The following CRISPLD2 variants were observed in gnomAD, a reference collection of about 807,000 sequenced individuals.
CRISPLD2 encodes cysteine rich secretory protein LCCL domain containing 2.
In CRISPLD2, 47 loss-of-function variants were observed where a neutral mutation model predicts 71.1. The observed-to-expected ratio is 0.66, with a 90% CI of 0.52 to 0.84. CRISPLD2 has a LOEUF of 0.84. Ranked by LOEUF, CRISPLD2 falls within the 40% of genes least tolerant of loss-of-function variation. CRISPLD2 has a pLI of 0.00. For missense variants in CRISPLD2, 830 were observed against 651.1 expected, an observed-to-expected ratio of 1.27 and a Z score of -2.99; for synonymous variants, 317 against 250.1, an observed-to-expected ratio of 1.27 and a Z score of -2.52.
chr16:84,850,576 G>C lies in CRISPLD2; in HGVS notation c.501G>C (p.Trp167Cys), dbSNP rs769688566. 1 of 1,613,980 alleles carries C rather than the reference G, an allele frequency of 6.2e-7. No homozygotes were observed. The highest frequency in any genetic ancestry group is 8.5e-7 in the Non-Finnish European group (1 of 1,179,890). The change falls in exon 5 of 15, where the codon TGG (tryptophan) becomes TGC (cysteine). Residue 167 changes from tryptophan to cysteine, a missense_variant. Coordinates refer to ENST00000262424, the MANE Select transcript of CRISPLD2 (RefSeq NM_031476.4). The part of the protein sequence containing the change: ...PMCTHYTQIV[W>C]ATTNKIGCAV... ...AAATGTCATCTTTTCAGATAGTTTG[G>C]GCCACCACCAACAAGATCGGTTGTG...
chr16:84,899,075 A>G (rs1350364875), intron 14 of CRISPLD2, among the ~76,000 whole-genome samples: 1 of 152,080 alleles, frequency 6.6e-6, no homozygotes, highest in East Asian at 1.9e-4. Flanking sequence ...TTATTTTTGT[A>G]GAGACAGGGG....
At chr16:84,894,415 C>A (rs181179759) in intron 14 of CRISPLD2, among the ~76,000 whole-genome samples, 10 of 152,110 alleles carry the variant, frequency 6.6e-5, no homozygotes, top group African/African-American at 2.2e-4. Context: ...TAAAATGTCA[C>A]CTTTATACAA....
intron 5 of CRISPLD2, among the ~76,000 whole-genome samples, chr16:84,853,332 G>T (rs892790745): frequency 6.6e-6 from 1 of 152,206 alleles, no homozygotes; most frequent in African/African-American, 2.4e-5. Context: ...TGTTCTTTTT[G>T]GGGGAGTCAT....
chr16:84,838,194 G>A (rs1285985030), intron 1 of CRISPLD2, among the ~76,000 whole-genome samples: 1 of 152,162 alleles, frequency 6.6e-6, no homozygotes, highest in African/African-American at 2.4e-5. Context: ...ACTGTTCTAG[G>A]TTATCCTCTT....
rs532828052 is a variant in CRISPLD2 at position 84,902,091 on chromosome 16, G to T, written c.1440-4497G>T. The stretch of plus-strand genomic sequence containing the variant: ...TGGGATGACAGGCGTGAGCCACCGC[G>T]CCTGGCCCTGGTTGCACACTGTGAA... On this transcript the variant is annotated intron_variant, in intron 14 of 14. Coordinates refer to ENST00000262424, the MANE Select transcript of CRISPLD2 (RefSeq NM_031476.4). 5.9e-5 allele frequency among the ~76,000 whole-genome samples: 9 copies of T among 151,608 alleles called. No homozygotes were observed. The East Asian group carries it at 1.6e-3, about 26-fold the overall frequency.
chr16:84,870,528 G>T (rs935381157), intron 8 of CRISPLD2, among the ~76,000 whole-genome samples: 21 of 152,188 alleles, frequency 1.4e-4, no homozygotes, highest in Admixed American at 3.9e-4. Flanking sequence ...ACCAGGCCAG[G>T]CTGGTCTCAA....
At chr16:84,874,628 G>C (rs994832511) in intron 11 of CRISPLD2, among the ~76,000 whole-genome samples, 2 of 152,226 alleles carry the variant, frequency 1.3e-5, no homozygotes, top group East Asian at 3.9e-4. Context: ...CCTTTGTTTT[G>C]GGACAGCAAC....
chr16:84,884,689 C>T (rs776860959), intron 13 of CRISPLD2, among the ~76,000 whole-genome samples: 27 of 152,146 alleles, frequency 1.8e-4, no homozygotes, highest in Non-Finnish European at 2.8e-4. Context: ...GATAACGGGG[C>T]GGTACCGGGC....
chr16:84,900,944 T>A (rs1171701856), intron 14 of CRISPLD2, among the ~76,000 whole-genome samples: 1 of 149,464 alleles, frequency 6.7e-6, no homozygotes, highest in Admixed American at 6.8e-5. Context: ...CAGCTACTGG[T>A]GAGGCTGAGG....
At chr16:84,830,345 G>A (rs1238575051) in intron 1 of CRISPLD2, among the ~76,000 whole-genome samples, 1 of 152,028 alleles carries the variant, frequency 6.6e-6, no homozygotes, top group African/African-American at 2.4e-5. Flanking sequence ...ATAAAATTCA[G>A]TAAAAAATGG....
intron 2 of CRISPLD2, among the ~76,000 whole-genome samples, chr16:84,844,192 C>T (rs1567683926): frequency 1.3e-5 from 2 of 152,236 alleles, no homozygotes; most frequent in African/African-American, 4.8e-5. Context: ...ATGGAATTCT[C>T]TCCCCAGGAG....
intron 10 of CRISPLD2, 30 bp from the exon 11 acceptor site, chr16:84,873,890 C>A: frequency 6.8e-7 from 1 of 1,478,764 alleles, no homozygotes; most frequent in Non-Finnish European, 9.1e-7. Context: ...TTACCTAATG[C>A]CCGTTTTTTT....
intron 1 of CRISPLD2, among the ~76,000 whole-genome samples, chr16:84,827,263 A>G (rs983844794): frequency 5.9e-5 from 9 of 152,088 alleles, no homozygotes; most frequent in Non-Finnish European, 1.3e-4. Flanking sequence ...TTGGTTGAGC[A>G]CCGTGTCTGC....
intron 3 of CRISPLD2, among the ~76,000 whole-genome samples, chr16:84,847,577 G>C (rs1328785965): frequency 6.6e-6 from 1 of 152,098 alleles, no homozygotes; most frequent in Non-Finnish European, 1.5e-5. Context: ...CTTGAACCCT[G>C]GAGGCGGAGG....
intron 14 of CRISPLD2, among the ~76,000 whole-genome samples, chr16:84,890,965 C>T (rs1206807497): frequency 6.6e-6 from 1 of 152,122 alleles, no homozygotes; most frequent in African/African-American, 2.4e-5. Flanking sequence ...TTGGATCTCG[C>T]CCTGTTGGCC....
At chr16:84,890,518 G>A (rs1464096685) in intron 14 of CRISPLD2, among the ~76,000 whole-genome samples, 1 of 152,206 alleles carries the variant, frequency 6.6e-6, no homozygotes, top group East Asian at 1.9e-4. Context: ...CGTAGCTGGT[G>A]TGAGTCCTTT....
chr16:84,887,239 A>G (rs1365396645), intron 13 of CRISPLD2, among the ~76,000 whole-genome samples: 1 of 152,124 alleles, frequency 6.6e-6, no homozygotes. Flanking sequence ...GGTGGGGGTT[A>G]AGCTTTTAAG....
rs1917336650 is a variant in CRISPLD2 at position 84,859,912 on chromosome 16, TC to T, written c.709+5086del. ...AATTTTGTAGTTGAGTGACTGTGGT[TC>T]CCACTGTTAGATCTGACATACAGAA... On this transcript the variant is annotated intron_variant, in intron 6 of 14. Coordinates refer to ENST00000262424, the MANE Select transcript of CRISPLD2 (RefSeq NM_031476.4). Among the ~76,000 whole-genome samples, 3 of 152,340 alleles carry T rather than the reference TC, an allele frequency of 2.0e-5. No individual in the cohort carries two copies. In the South Asian group the frequency reaches 6.2e-4, roughly 32 times the overall value.
chr16:84,907,721 A>AC lies in CRISPLD2; in HGVS notation c.*1081dup, dbSNP rs1314121916. ...GAATGGAGTCTTTGGTACATTCCTC[A>AC]CCGAGGTTAGCAGCTCAGTTTGTGG... On this transcript the variant is annotated 3_prime_UTR_variant, in exon 15 of 15. Coordinates refer to ENST00000262424, the MANE Select transcript of CRISPLD2 (RefSeq NM_031476.4). 6.6e-6 allele frequency: 1 copy of AC among 152,230 alleles called. No homozygotes were observed. The highest frequency in any genetic ancestry group is 2.4e-5 in the African/African-American group (1 of 41,446). The allele number at this position is 152,230 out of a possible 1,614,324, so 9.4% of individuals were successfully genotyped here.
Sources: allele counts gnomAD v4.1 joint callset (sites outside exome capture counted in the v4.1 genomes callset), GRCh38; gene constraint gnomAD v4.1.1; transcripts MANE v1.5; gene names NCBI Gene and HGNC (gene_info 2026-07-23, HGNC 2026-07-21).